The following REXO5 variants were observed in gnomAD, a reference collection of about 807,000 sequenced individuals.
REXO5 encodes exonuclease NEF-sp.
Under a neutral mutation model 88.5 loss-of-function variants are expected in REXO5, and 48 were observed. The observed-to-expected ratio is 0.54, with a 90% CI of 0.43 to 0.69. The LOEUF is 0.69. REXO5 is among the 30% of genes least tolerant of loss of function. REXO5 has a pLI of 0.00. For synonymous variants in REXO5, 311 were observed against 336.5 expected, an observed-to-expected ratio of 0.92 and a Z score of 0.83; for missense variants, 749 against 912.2, an observed-to-expected ratio of 0.82 and a Z score of 2.30.
rs184823733 is a variant in REXO5 at position 20,819,227 on chromosome 16, T to C, written c.476-2535T>C. Among the ~76,000 whole-genome samples the C allele has an allele frequency of 1.3e-3, 203 of 152,274 alleles. 1 individual carries two copies. The highest frequency in any genetic ancestry group is 4.7e-3 in the African/African-American group (195 of 41,540). On this transcript the variant is annotated intron_variant, in intron 5 of 19. Transcript: ENST00000261377. ...TTTCCACCTGCGCATATCTTTATAA[T>C]AGAATGATTTATATTCCTTTAGAAT...
At chr16:20,840,131 T>A (rs1341522193) in intron 14 of REXO5, 200 bp from the exon 15 acceptor site, 2 of 533,848 alleles carry the variant, frequency 3.7e-6, no homozygotes, top group Middle Eastern at 4.9e-4. Flanking sequence ...TACATAGTAT[T>A]CTGCTATATG....
chr16:20,837,652 C>G (rs2081453952), intron 13 of REXO5, among the ~76,000 whole-genome samples: 1 of 152,004 alleles, frequency 6.6e-6, no homozygotes, highest in Non-Finnish European at 1.5e-5. Context: ...TGCTAATATT[C>G]AATTCAGTTT....
chr16:20,812,243 C>T (rs1462587225), intron 2 of REXO5, among the ~76,000 whole-genome samples: 4 of 151,992 alleles, frequency 2.6e-5, no homozygotes, highest in African/African-American at 4.8e-5. Flanking sequence ...GACTATAGGC[C>T]GGGCGTGGTG....
At chr16:20,837,093 G>A (rs1004175064) in intron 13 of REXO5, among the ~76,000 whole-genome samples, 4 of 151,928 alleles carry the variant, frequency 2.6e-5, no homozygotes, top group East Asian at 1.9e-4. Flanking sequence ...TCTCTTTATC[G>A]TATATTTTTT....
chr16:20,813,347 T>TC (rs764203404), intron 3 of REXO5, 45 bp downstream of exon 3: 171 of 397,010 alleles, frequency 4.3e-4, no homozygotes, highest in Non-Finnish European at 6.0e-4. Context: ...GCGGTTTCTT[T>TC]TTTTTTTTTT....
chr16:20,839,113 T>C (rs531869131), intron 13 of REXO5, among the ~76,000 whole-genome samples: 1 of 152,270 alleles, frequency 6.6e-6, no homozygotes, highest in East Asian at 1.9e-4. Flanking sequence ...GGTGTGGTGT[T>C]GAGGGAAGGG....
chr16:20,832,044 A>G (rs557638568), intron 11 of REXO5, 112 bp from the exon 12 acceptor site: 1 of 691,056 alleles, frequency 1.4e-6, no homozygotes. Context: ...AACAGAGAAC[A>G]TTATTCAAGT....
intron 6 of REXO5, among the ~76,000 whole-genome samples, chr16:20,823,259 A>T (rs1291894584): frequency 5.3e-5 from 8 of 151,960 alleles, no homozygotes; most frequent in Non-Finnish European, 1.2e-4. Flanking sequence ...TGGAGTTCTT[A>T]TTTTCTGGAT....
Position 20,836,189 on chromosome 16 carries a change from C to T in REXO5, c.1383+3066C>T, listed in dbSNP as rs550916327. On this transcript the variant is annotated intron_variant, in intron 13 of 19. Coordinates refer to ENST00000261377, the MANE Select transcript of REXO5 (RefSeq NM_030941.3). The stretch of plus-strand genomic sequence containing the variant: ...TATAATTACCAAAGTCCATAGTTTA[C>T]GTTAGGGTTCTGTCTTGGTGTTGAC... Among the ~76,000 whole-genome samples the T allele has an allele frequency of 5.3e-4, 80 of 152,242 alleles. 1 individual carries two copies. Among genetic ancestry groups the T allele is most frequent in the African/African-American group, 1.8e-3 (75 of 41,534 alleles).
chr16:20,818,756 CCA>C, intron 5 of REXO5, among the ~76,000 whole-genome samples: 1 of 152,224 alleles, frequency 6.6e-6, no homozygotes. Context: ...CAGGCGTGAG[CCA>C]CTGCACTTGG....
At chr16:20,814,794 C>A (rs112779176) in intron 3 of REXO5, 133 bp from the exon 4 acceptor site, 6 of 813,884 alleles carry the variant, frequency 7.4e-6, no homozygotes, top group Non-Finnish European at 1.1e-5. Context: ...TCCAGGCAGA[C>A]GGTGAATGGT....
At chr16:20,818,215 C>T (rs1354573789) in intron 5 of REXO5, among the ~76,000 whole-genome samples, 1 of 152,170 alleles carries the variant, frequency 6.6e-6, no homozygotes, top group Non-Finnish European at 1.5e-5. Flanking sequence ...AAGCCCTTAT[C>T]TTACCTGATA....
At chr16:20,817,966 C>T (rs924469639) in intron 5 of REXO5, among the ~76,000 whole-genome samples, 5 of 152,058 alleles carry the variant, frequency 3.3e-5, no homozygotes, top group Non-Finnish European at 7.4e-5. Context: ...AAATAATGGT[C>T]TCTTCATATT....
intron 11 of REXO5, among the ~76,000 whole-genome samples, chr16:20,830,064 CACT>C (rs1567398817): frequency 6.6e-6 from 1 of 152,232 alleles, no homozygotes; most frequent in African/African-American, 2.4e-5. Flanking sequence ...TGCTCTAAAT[CACT>C]ACAATAGGTT....
intron 6 of REXO5, among the ~76,000 whole-genome samples, chr16:20,824,069 T>C (rs182454051): frequency 3.3e-5 from 5 of 152,334 alleles, no homozygotes; most frequent in Non-Finnish European, 7.3e-5. Flanking sequence ...ATACAGTTAT[T>C]TGCATACTTT....
At chr16:20,846,446 T>A (rs2081609022) in intron 19 of REXO5, 107 bp downstream of exon 19, 1 of 726,140 alleles carries the variant, frequency 1.4e-6, no homozygotes, top group African/African-American at 1.8e-5. Context: ...AGGACTTACA[T>A]GAATCATCTC....
rs1222026390 is a variant in REXO5, at chr16:20,841,599, AT to A, written c.1626+1137del. 2.6e-5 allele frequency among the ~76,000 whole-genome samples: 4 copies of A among 152,254 alleles called. No individual in the cohort carries two copies. In the East Asian group the frequency reaches 7.7e-4, roughly 29 times the overall value. ...GATATTTTAAAATGGCTGTCTCTAAATTTTTTAATTTAATTTTTATTTTATT... is the reference window on the plus strand; with the variant it reads ...GATATTTTAAAATGGCTGTCTCTAAATTTTTAATTTAATTTTTATTTTATT... On this transcript the variant is annotated intron_variant, in intron 15 of 19. Transcript: ENST00000261377.
intron 19 of REXO5, among the ~76,000 whole-genome samples, chr16:20,848,216 T>C (rs2081640243): frequency 6.6e-6 from 1 of 152,012 alleles, no homozygotes; most frequent in Non-Finnish European, 1.5e-5. Context: ...GTGTCCGTGA[T>C]GGCAGCAGAT....
In REXO5 at chr16:20,808,676, C is replaced by G. The variant is rs1319204362; in HGVS notation, c.138+1585C>G. 3 of 138,780 alleles carry G rather than the reference C, an allele frequency of 2.2e-5. No individual in the cohort carries two copies. The South Asian group carries it at 7.0e-4, about 32-fold the overall frequency. The allele number at this position is 138,780 out of a possible 1,614,324, so 8.6% of individuals were successfully genotyped here. On this transcript the variant is annotated intron_variant, in intron 2 of 19. Transcript: ENST00000261377. ...TCTGTTGCCCAGGCTGGATTTGGCT[C>G]ACTGCAACTTTTGCCTCCCAGGTTG...
Sources: allele counts gnomAD v4.1 joint callset (sites outside exome capture counted in the v4.1 genomes callset), GRCh38; gene constraint gnomAD v4.1.1; transcripts MANE v1.5; gene names NCBI Gene and HGNC (gene_info 2026-07-23, HGNC 2026-07-21).